PTPN20: variants seen among roughly 807,000 people sequenced by gnomAD.
The protein encoded by PTPN20 is protein tyrosine phosphatase non-receptor type 20.
PTPN20 carries 9 observed loss-of-function variants against 35.0 expected under a neutral mutation model. That is an observed-to-expected ratio of 0.26 (90% CI 0.15 to 0.45). The LOEUF is 0.45. PTPN20 is among the 20% of genes least tolerant of loss of function. The pLI is 1.00. For synonymous variants in PTPN20, 32 were observed against 100.2 expected (o/e 0.32, Z 4.06); for missense variants, 111 against 312.5 (o/e 0.36, Z 4.86).
chr10:46,995,246 A>G (rs902501251), intron 9 of PTPN20, among the ~76,000 whole-genome samples: 7 of 151,026 alleles, frequency 4.6e-5, no homozygotes, highest in African/African-American at 1.7e-4. Flanking sequence ...TATTTATTCC[A>G]GTGTTCTCTG....
chr10:46,991,481 C>A (rs2057951218), intron 9 of PTPN20, among the ~76,000 whole-genome samples: 1 of 95,134 alleles, frequency 1.1e-5, no homozygotes, highest in Non-Finnish European at 2.2e-5. Flanking sequence ...ACATTGTTGG[C>A]TGGTTGCTTT....
At chr10:46,926,500 T>C (rs1315809068) in intron 1 of PTPN20, among the ~76,000 whole-genome samples, 3 of 151,572 alleles carry the variant, frequency 2.0e-5, no homozygotes, top group Non-Finnish European at 4.4e-5. Flanking sequence ...TGGGATGATG[T>C]TCAGGTAATG....
chr10:46,923,991 G>A (rs1347087383), intron 1 of PTPN20, among the ~76,000 whole-genome samples: 1 of 152,122 alleles, frequency 6.6e-6, no homozygotes, highest in East Asian at 1.9e-4. Context: ...AATTCCAATT[G>A]TTAATTGCTG....
At chr10:46,994,417 C>T (rs1462969881) in intron 9 of PTPN20, among the ~76,000 whole-genome samples, 45 of 150,590 alleles carry the variant, frequency 3.0e-4, no homozygotes, top group Admixed American at 1.6e-3. Flanking sequence ...CAAGCTCCGC[C>T]GCCTCCCAGG....
chr10:46,955,152 C>A (rs1272887826), intron 5 of PTPN20: 1 of 149,404 alleles, frequency 6.7e-6, no homozygotes, highest in African/African-American at 2.5e-5. Flanking sequence ...CAATTCCTTG[C>A]AAATACAGAG....
At chr10:46,924,179 CG>C (rs2036411650) in intron 1 of PTPN20, among the ~76,000 whole-genome samples, 1 of 127,820 alleles carries the variant, frequency 7.8e-6, no homozygotes, top group African/African-American at 3.0e-5. Flanking sequence ...CACTGCCTCC[CG>C]GGTTCAAGAG....
chr10:46,940,847 T>G, intron 3 of PTPN20, 130 bp downstream of exon 3: 1 of 1,101,740 alleles, frequency 9.1e-7, no homozygotes, highest in East Asian at 2.5e-5. Flanking sequence ...CACTGTAGTG[T>G]TGACAGTGAC....
intron 7 of PTPN20, among the ~76,000 whole-genome samples, chr10:46,975,764 C>T (rs1379897314): frequency 1.2e-4 from 19 of 152,060 alleles, no homozygotes; most frequent in Non-Finnish European, 2.4e-4. Flanking sequence ...TGGGTTCAAG[C>T]GATTTTCCTG....
At chr10:46,991,731 T>C (rs879978017) in intron 9 of PTPN20, among the ~76,000 whole-genome samples, 12 of 147,634 alleles carry the variant, frequency 8.1e-5, no homozygotes, top group Non-Finnish European at 1.5e-4. Context: ...TTATTTTATT[T>C]AATAATGCTG....
At chr10:46,925,106 C>G (rs2036749892) in intron 1 of PTPN20, among the ~76,000 whole-genome samples, 1 of 151,162 alleles carries the variant, frequency 6.6e-6, no homozygotes, top group Non-Finnish European at 1.5e-5. Context: ...ACACCCCAGC[C>G]TGGGTTGTTT....
rs1354846418 is a variant in PTPN20, at chr10:46,928,423, A to C, written c.-123-3954A>C. 4.7e-4 allele frequency among the ~76,000 whole-genome samples: 72 copies of C among 151,816 alleles called. 3 individuals carry two copies. The Middle Eastern group carries it at 0.014, about 29-fold the overall frequency. On this transcript the variant is annotated intron_variant, in intron 1 of 10. Transcript: ENST00000374339. ...TTTATTGAGGTGTAATTATGTATAAAGCTTTTAACCTTGCAAGTAAAGATG... is the reference window on the plus strand; with the variant it reads ...TTTATTGAGGTGTAATTATGTATAACGCTTTTAACCTTGCAAGTAAAGATG...
intron 5 of PTPN20, among the ~76,000 whole-genome samples, chr10:46,949,603 A>G (rs1334497029): frequency 6.7e-6 from 1 of 150,246 alleles, no homozygotes; most frequent in Non-Finnish European, 1.5e-5. Flanking sequence ...TGATGCTCAT[A>G]CTAGCTTTCT....
intron 1 of PTPN20, among the ~76,000 whole-genome samples, chr10:46,919,237 A>C (rs879988022): frequency 1.3e-5 from 2 of 152,224 alleles, no homozygotes; most frequent in African/African-American, 4.8e-5. Context: ...CAGTCAGACA[A>C]TCCCTGACTT....
At chr10:46,929,631 A>G (rs1589254042) in intron 1 of PTPN20, among the ~76,000 whole-genome samples, 1 of 150,946 alleles carries the variant, frequency 6.6e-6, no homozygotes, top group South Asian at 2.1e-4. Flanking sequence ...GTGGCTGGAG[A>G]TTGAAAAGTG....
At chr10:46,997,573 G>A (rs1259643825) in intron 9 of PTPN20, among the ~76,000 whole-genome samples, 1 of 150,338 alleles carries the variant, frequency 6.7e-6, no homozygotes, top group African/African-American at 2.4e-5. Flanking sequence ...CAGAGGGAAA[G>A]CAAACTAAAA....
At chr10:46,988,467 G>A (rs1211068746) in intron 9 of PTPN20, among the ~76,000 whole-genome samples, 7 of 148,672 alleles carry the variant, frequency 4.7e-5, no homozygotes, top group Non-Finnish European at 6.0e-5. Flanking sequence ...CAGTGATGCA[G>A]AACACCAGAG....
At chr10:46,999,706 A>G (rs2138188808) in intron 9 of PTPN20, among the ~76,000 whole-genome samples, 1 of 152,298 alleles carries the variant, frequency 6.6e-6, no homozygotes, top group East Asian at 1.9e-4. Flanking sequence ...CTTATTATGA[A>G]TGATTGCTTC....
At chr10:46,937,305 AT>A (rs2041971688) in intron 2 of PTPN20, among the ~76,000 whole-genome samples, 1 of 147,072 alleles carries the variant, frequency 6.8e-6, no homozygotes, top group Admixed American at 6.7e-5. Context: ...TTTCTCTGGC[AT>A]TTTTTCTTTT....
At chr10:46,926,464 C>A (rs1169480084) in intron 1 of PTPN20, among the ~76,000 whole-genome samples, 1 of 151,616 alleles carries the variant, frequency 6.6e-6, no homozygotes, top group Non-Finnish European at 1.5e-5. Flanking sequence ...CCTTCTTTTG[C>A]GGAGATGGCT....
Sources: allele counts gnomAD v4.1 joint callset (sites outside exome capture counted in the v4.1 genomes callset), GRCh38; gene constraint gnomAD v4.1.1; transcripts MANE v1.5; gene names NCBI Gene and HGNC (gene_info 2026-07-23, HGNC 2026-07-21).